The following SRGAP3 variants were observed in gnomAD, a reference collection of about 807,000 sequenced individuals.
SRGAP3 encodes the protein SLIT-ROBO Rho GTPase-activating protein 3.
A neutral mutation model predicts 121.1 loss-of-function variants in SRGAP3; 39 were observed. The ratio of observed to expected loss-of-function variants is 0.32; its 90% confidence interval spans 0.25 to 0.42. The LOEUF (loss-of-function observed/expected upper bound fraction) is 0.42, where lower values mean the gene tolerates loss of function less well. SRGAP3 is among the 10% of genes least tolerant of loss of function. The probability of loss-of-function intolerance (pLI) is 1.00; values close to 1 mark genes in which losing one functional copy is unlikely to be tolerated. For synonymous variants in SRGAP3, 601 were observed against 570.0 expected (o/e 1.05, Z -0.77); for missense variants, 1,213 against 1,470.6 (o/e 0.82, Z 2.86).
At chr3:9,138,568 T>C (rs1949743386) in intron 1 of SRGAP3, among the ~76,000 whole-genome samples, 1 of 152,216 alleles carries the variant, frequency 6.6e-6, no homozygotes, top group Non-Finnish European at 1.5e-5. Context: ...TACTTAGTTC[T>C]GTCTCTGCGG....
intron 3 of SRGAP3, among the ~76,000 whole-genome samples, chr3:9,319,737 T>C (rs1270402436): frequency 6.6e-6 from 1 of 151,762 alleles, no homozygotes; most frequent in Non-Finnish European, 1.5e-5. Context: ...AATCAAAGTA[T>C]TGGCAGTCAA....
At chr3:9,352,241 C>G (rs2030212611) in intron 1 of SRGAP3, among the ~76,000 whole-genome samples, 1 of 150,654 alleles carries the variant, frequency 6.6e-6, no homozygotes, top group Non-Finnish European at 1.5e-5. Flanking sequence ...AAATAAAACT[C>G]TCCCCTTTTC....
intron 1 of SRGAP3, among the ~76,000 whole-genome samples, chr3:9,176,221 A>T (rs1474048119): frequency 6.6e-6 from 1 of 152,190 alleles, no homozygotes; most frequent in Non-Finnish European, 1.5e-5. Flanking sequence ...CAACCAGCCT[A>T]GCTTGGGATT....
Position 9,104,949 on chromosome 3 carries a change from A to C in SRGAP3, c.261-107T>G, listed in dbSNP as rs1203016758. ...TTTTAACCTCCACGGTGCCCCTTCA[A>C]GGTCAGTCTTGTTGTTACACCTTAT... On this transcript the variant is annotated intron_variant, in intron 2 of 21. Coordinates refer to ENST00000383836, the MANE Select transcript of SRGAP3 (RefSeq NM_014850.4). 4.4e-6 allele frequency: 6 copies of C among 1,375,468 alleles called. 1 individual carries two copies. Among genetic ancestry groups the C allele is most frequent in the Non-Finnish European group, 2.1e-6 (2 of 974,902 alleles). 85.2% of individuals were successfully genotyped at this position (1,375,468 alleles called of 1,614,324 possible).
intron 12 of SRGAP3, among the ~76,000 whole-genome samples, chr3:9,027,785 C>G (rs1264641127): frequency 6.6e-6 from 1 of 152,176 alleles, no homozygotes; most frequent in Non-Finnish European, 1.5e-5. Context: ...CTCTGTTATT[C>G]CAGGTCACTT....
At chr3:9,040,459 C>T (rs1302720452) in intron 10 of SRGAP3, among the ~76,000 whole-genome samples, 1 of 152,208 alleles carries the variant, frequency 6.6e-6, no homozygotes, top group African/African-American at 2.4e-5. Flanking sequence ...CCAACACTTG[C>T]ATGGCTCATT....
chr3:9,035,693 T>C (rs1170515963), intron 11 of SRGAP3: 6 of 169,926 alleles, frequency 3.5e-5, no homozygotes, highest in African/African-American at 1.4e-4. Context: ...CAGAGACCAA[T>C]GTCCCCTTTC....
At chr3:9,054,962 T>C (rs925830223) in intron 8 of SRGAP3, among the ~76,000 whole-genome samples, 15 of 152,336 alleles carry the variant, frequency 9.8e-5, no homozygotes, top group African/African-American at 3.6e-4. Context: ...CAGAAGAACA[T>C]TGGCTTCATT....
At position 9,192,910 on chromosome 3, in the gene SRGAP3, G is replaced by T. The variant is rs144176936; in HGVS notation, c.67+55975C>A. On this transcript the variant is annotated intron_variant, in intron 1 of 21. Transcript: ENST00000383836. Reference sequence around the variant, plus strand: ...GTACACCTCTAGAAGACTTCCGACTGCAGAGGGGAATGGATGGGGGAGCTG... The same window carrying T: ...GTACACCTCTAGAAGACTTCCGACTTCAGAGGGGAATGGATGGGGGAGCTG... 119 of 154,578 alleles carry T rather than the reference G, an allele frequency of 7.7e-4. No homozygotes were observed. The East Asian group carries it at 0.01, about 14-fold the overall frequency. 9.6% of individuals were successfully genotyped at this position (154,578 alleles called of 1,614,324 possible).
rs750808384 is a variant in SRGAP3 at position 9,053,102 on chromosome 3, A to G, written c.1248T>C (p.Ser416=). 33 of 1,614,046 alleles carry G rather than the reference A, an allele frequency of 2.0e-5. No individual in the cohort carries two copies. The East Asian group carries it at 7.4e-4, about 36-fold the overall frequency. The change falls in exon 9 of 22, where the codon TCT becomes TCC. Residue 416 remains serine, a synonymous_variant. Coordinates refer to ENST00000383836, the MANE Select transcript of SRGAP3 (RefSeq NM_014850.4). ...RSTESVKSAA[S]ETYMSKINIA... The stretch of plus-strand genomic sequence containing the variant: ...TGTTGATCTTGCTCATGTAGGTCTC[A>G]GAGGCAGCCGACTTGACGGACTCTG...
At chr3:9,166,318 G>A (rs757092720) in intron 1 of SRGAP3, among the ~76,000 whole-genome samples, 1 of 152,146 alleles carries the variant, frequency 6.6e-6, no homozygotes, top group Non-Finnish European at 1.5e-5. Context: ...TTTATTGAAT[G>A]AATGACTTCT....
intron 8 of SRGAP3, among the ~76,000 whole-genome samples, chr3:9,055,215 C>T (rs542176717): frequency 6.6e-6 from 1 of 152,362 alleles, no homozygotes; most frequent in East Asian, 1.9e-4. Context: ...ATCTGTCTCA[C>T]ATTTGTCCTA....
At chr3:9,342,828 A>G (rs1443826287) in intron 1 of SRGAP3, among the ~76,000 whole-genome samples, 1 of 152,248 alleles carries the variant, frequency 6.6e-6, no homozygotes, top group East Asian at 1.9e-4. Flanking sequence ...AAGAACCTCC[A>G]GAGTGTACTC....
At chr3:9,058,755 T>C (rs1358563649) in intron 6 of SRGAP3, 2 of 400,086 alleles carry the variant, frequency 5.0e-6, no homozygotes, top group Non-Finnish European at 9.2e-6. Flanking sequence ...AGTCTAGCTC[T>C]GTCACTTAGG....
chr3:9,271,206 C>A (rs1363398481), intron 3 of SRGAP3, among the ~76,000 whole-genome samples: 1 of 152,154 alleles, frequency 6.6e-6, no homozygotes, highest in Non-Finnish European at 1.5e-5. Context: ...TGGTGGCATG[C>A]GCCTGTAATC....
chr3:9,013,078 G>A (rs1400840297), intron 17 of SRGAP3, among the ~76,000 whole-genome samples: 2 of 152,072 alleles, frequency 1.3e-5, no homozygotes, highest in African/African-American at 4.8e-5. Flanking sequence ...AATCAATAAA[G>A]TCCCATTTGG....
intron 3 of SRGAP3, among the ~76,000 whole-genome samples, chr3:9,080,511 T>C (rs1436498582): frequency 2.0e-5 from 3 of 152,176 alleles, no homozygotes; most frequent in Admixed American, 6.5e-5. Context: ...TGAGAAACAA[T>C]GATTTGGCAT....
chr3:9,283,607 ACAGGCT>A (rs1167462989), intron 3 of SRGAP3, among the ~76,000 whole-genome samples: 3 of 152,200 alleles, frequency 2.0e-5, no homozygotes, highest in Non-Finnish European at 4.4e-5. Context: ...GTTTTCCTTG[ACAGGCT>A]CATTTTAATT....
intron 1 of SRGAP3, among the ~76,000 whole-genome samples, chr3:9,187,121 C>T (rs969755006): frequency 6.7e-6 from 1 of 149,536 alleles, no homozygotes; most frequent in Non-Finnish European, 1.5e-5. Context: ...CAGCCCCCCA[C>T]CCCCCGACAG....
Sources: allele counts gnomAD v4.1 joint callset (sites outside exome capture counted in the v4.1 genomes callset), GRCh38; gene constraint gnomAD v4.1.1; transcripts MANE v1.5; gene names NCBI Gene and HGNC (gene_info 2026-07-23, HGNC 2026-07-21).